Variants in KIAA1958 observed in about 807,000 individuals in gnomAD.
The protein encoded by KIAA1958 is KIAA1958.
A neutral mutation model predicts 47.2 loss-of-function variants in KIAA1958; 14 were observed. The ratio of observed to expected loss-of-function variants is 0.30; its 90% CI spans 0.20 to 0.46. KIAA1958 has a LOEUF of 0.46. Among genes scored for constraint, KIAA1958 ranks in the 20% least tolerant of loss-of-function variants. The pLI, the probability that KIAA1958 is intolerant of heterozygous loss-of-function variation, is 1.00. For synonymous variants in KIAA1958, 354 were observed against 353.3 expected, an observed-to-expected ratio of 1.00 and a Z score of -0.02; for missense variants, 803 against 909.2, an observed-to-expected ratio of 0.88 and a Z score of 1.50.
Position 112,668,815 on chromosome 9 carries a change from A to G in KIAA1958, c.*8746A>G, listed in dbSNP as rs1191924962. On this transcript the variant is annotated 3_prime_UTR_variant, in exon 4 of 4. Coordinates refer to ENST00000337530, the MANE Select transcript of KIAA1958 (RefSeq NM_133465.4). ...GACAATCTCTTCTGGGTAGATTCCA[A>G]GTATAACCTGTCCCAGGGTCCTCTT... The G allele has an allele frequency of 1.3e-5, 2 of 152,224 alleles. No homozygotes were observed. Among genetic ancestry groups the G allele is most frequent in the Admixed American group, 1.3e-4 (2 of 15,284 alleles). 9.4% of individuals were successfully genotyped at this position (152,224 alleles called of 1,614,324 possible).
At chr9:112,503,259 C>CT (rs1349833953) in intron 1 of KIAA1958, among the ~76,000 whole-genome samples, 1 of 152,062 alleles carries the variant, frequency 6.6e-6, no homozygotes, top group Non-Finnish European at 1.5e-5. Flanking sequence ...AATGAGAGGG[C>CT]TTGACATTCA....
intron 2 of KIAA1958, among the ~76,000 whole-genome samples, chr9:112,616,423 T>C (rs562139984): frequency 6.6e-6 from 1 of 152,358 alleles, no homozygotes; most frequent in South Asian, 2.1e-4. Flanking sequence ...AAAAGTAGTA[T>C]GTAAATAAAA....
rs531028336 is a variant in KIAA1958 at position 112,551,398 on chromosome 9, T to G, written c.-24-22659T>G. ...TGTCTTTTTAACTAGCTTCTTGCACTTAGTATAATGTCTTTTAAGTTTCAT... is the reference window on the plus strand; with the variant it reads ...TGTCTTTTTAACTAGCTTCTTGCACGTAGTATAATGTCTTTTAAGTTTCAT... On this transcript the variant is annotated intron_variant, in intron 1 of 3. Transcript: ENST00000337530. Among the ~76,000 whole-genome samples the G allele has an allele frequency of 2.0e-5, 3 of 152,348 alleles. No individual in the cohort carries two copies. In the East Asian group the frequency reaches 5.8e-4, roughly 29 times the overall value.
intron 2 of KIAA1958, among the ~76,000 whole-genome samples, chr9:112,640,355 C>T (rs1836872006): frequency 6.6e-6 from 1 of 152,156 alleles, no homozygotes; most frequent in African/African-American, 2.4e-5. Context: ...TTTTTGACTC[C>T]TCAGTGCCAT....
At chr9:112,602,376 T>G (rs1281577149) in intron 2 of KIAA1958, among the ~76,000 whole-genome samples, 1 of 152,216 alleles carries the variant, frequency 6.6e-6, no homozygotes, top group African/African-American at 2.4e-5. Flanking sequence ...GGGATCATGT[T>G]TTTTAAAATA....
At chr9:112,640,879 G>T (rs891043902) in intron 2 of KIAA1958, among the ~76,000 whole-genome samples, 1 of 151,944 alleles carries the variant, frequency 6.6e-6, no homozygotes, top group African/African-American at 2.4e-5. Flanking sequence ...TTCTTTGTTT[G>T]TTCTTTATTT....
chr9:112,656,907 A>G (rs1278516231), intron 3 of KIAA1958, among the ~76,000 whole-genome samples: 1 of 152,002 alleles, frequency 6.6e-6, no homozygotes, highest in Admixed American at 6.6e-5. Context: ...TTCATTTTCT[A>G]TATAGTCTTT....
intron 2 of KIAA1958, among the ~76,000 whole-genome samples, chr9:112,580,598 C>G (rs1249876158): frequency 6.6e-6 from 1 of 152,106 alleles, no homozygotes; most frequent in Admixed American, 6.5e-5. Context: ...ACCAGCCTGG[C>G]CAACATGGTG....
rs765229564 is a variant in KIAA1958 at position 112,645,794 on chromosome 9, G to A, written c.1316G>A (p.Gly439Glu). 3.7e-6 allele frequency: 6 copies of A among 1,613,450 alleles called. No individual in the cohort carries two copies. The East Asian group carries it at 1.3e-4, about 36-fold the overall frequency. The change falls in exon 3 of 4, where the codon GGG becomes GAG. Residue 439 changes from glycine (G) to glutamate (E), a missense_variant. By Grantham distance (98) the Gly-to-Glu change is moderately conservative. This residue lies in a region of KIAA1958 where 761 missense variants were observed against 829.3 expected (regional missense o/e 0.92). Transcript: ENST00000337530. ...TGGCGTTATTGGTGCATGACCAACGGGCTCAAAGACCACACAGACATCACC... is the reference window on the plus strand; with the variant it reads ...TGGCGTTATTGGTGCATGACCAACGAGCTCAAAGACCACACAGACATCACC... The part of the protein sequence containing the change: ...NVWRYWCMTN[G>E]LKDHTDITKI...
chr9:112,542,472 A>G (rs1296564968), intron 1 of KIAA1958, among the ~76,000 whole-genome samples: 2 of 152,222 alleles, frequency 1.3e-5, no homozygotes, highest in Non-Finnish European at 2.9e-5. Context: ...ATTTTCACAA[A>G]GAATATATTC....
At chr9:112,584,392 T>C (rs1835787200) in intron 2 of KIAA1958, among the ~76,000 whole-genome samples, 1 of 152,240 alleles carries the variant, frequency 6.6e-6, no homozygotes, top group African/African-American at 2.4e-5. Flanking sequence ...ATGTGATTAC[T>C]TTTAAAAATA....
chr9:112,605,159 G>T (rs1278619978), intron 2 of KIAA1958, among the ~76,000 whole-genome samples: 1 of 151,740 alleles, frequency 6.6e-6, no homozygotes, highest in Non-Finnish European at 1.5e-5. Flanking sequence ...TCCTGGAGGA[G>T]GTCACAGCCT....
chr9:112,513,102 T>A (rs1834349239), intron 1 of KIAA1958, among the ~76,000 whole-genome samples: 1 of 149,228 alleles, frequency 6.7e-6, no homozygotes, highest in Admixed American at 6.7e-5. Flanking sequence ...CCTCCTGGGT[T>A]TAAGCGATTC....
rs1003998798 is a variant in KIAA1958, at chr9:112,544,259, A to T, written c.-24-29798A>T. Among the ~76,000 whole-genome samples, 12 of 152,234 alleles carry T rather than the reference A, an allele frequency of 7.9e-5. No individual in the cohort carries two copies. The East Asian group carries it at 2.1e-3, about 27-fold the overall frequency. On this transcript the variant is annotated intron_variant, in intron 1 of 3. Transcript: ENST00000337530. ...GTACTATTAGACTTGAATGAATGTCAGATCTGAGAGGGCCCTGCGAGACCA... is the reference window on the plus strand; with the variant it reads ...GTACTATTAGACTTGAATGAATGTCTGATCTGAGAGGGCCCTGCGAGACCA...
chr9:112,521,243 C>T (rs986159008), intron 1 of KIAA1958, among the ~76,000 whole-genome samples: 1 of 152,120 alleles, frequency 6.6e-6, no homozygotes, highest in African/African-American at 2.4e-5. Context: ...AGGTCTTGCT[C>T]TGTTGCCCAG....
At chr9:112,603,651 G>A (rs1227451282) in intron 2 of KIAA1958, among the ~76,000 whole-genome samples, 1 of 152,178 alleles carries the variant, frequency 6.6e-6, no homozygotes, top group Admixed American at 6.6e-5. Flanking sequence ...ACAGTGCCAT[G>A]TGTGGTCTTT....
chr9:112,562,423 CA>C (rs1440127076), intron 1 of KIAA1958, among the ~76,000 whole-genome samples: 1 of 152,160 alleles, frequency 6.6e-6, no homozygotes, highest in African/African-American at 2.4e-5. Flanking sequence ...CCAGGCTCTT[CA>C]CCCCTGCACT....
At chr9:112,568,390 C>A (rs913406115) in intron 1 of KIAA1958, among the ~76,000 whole-genome samples, 2 of 152,190 alleles carry the variant, frequency 1.3e-5, no homozygotes, top group African/African-American at 4.8e-5. Flanking sequence ...GATATCTCTT[C>A]ATTTATTAAG....
At chr9:112,576,702 T>G (rs1408634864) in intron 2 of KIAA1958, among the ~76,000 whole-genome samples, 1 of 152,252 alleles carries the variant, frequency 6.6e-6, no homozygotes, top group Non-Finnish European at 1.5e-5. Context: ...AAATAATATT[T>G]TGTTGTATGA....
Sources: allele counts gnomAD v4.1 joint callset (sites outside exome capture counted in the v4.1 genomes callset), GRCh38; gene constraint gnomAD v4.1.1; regional missense constraint gnomAD v4.1.1; transcripts MANE v1.5; gene names NCBI Gene and HGNC (gene_info 2026-07-23, HGNC 2026-07-21).